Variants in CSMD3 observed in about 807,000 individuals in gnomAD.
CSMD3 encodes CUB and Sushi multiple domains 3, also known as CUB and sushi domain-containing protein 3.
CSMD3 carries 177 observed loss-of-function variants against 435.2 expected under a neutral mutation model. That is an observed-to-expected ratio of 0.41 (90% CI 0.36 to 0.46). CSMD3 has a LOEUF of 0.46. CSMD3 is among the 20% of genes least tolerant of loss of function. The pLI is 0.34. For synonymous variants in CSMD3, 1,656 were observed against 1,520.5 expected (o/e 1.09, Z -2.07); for missense variants, 4,265 against 4,504.6 (o/e 0.95, Z 1.52).
chr8:112,990,241 T>A (rs2085403547), intron 6 of CSMD3, among the ~76,000 whole-genome samples: 1 of 151,996 alleles, frequency 6.6e-6, no homozygotes, highest in Admixed American at 6.6e-5. Flanking sequence ...GGAGCAAAAC[T>A]GAAGTGTCCC....
chr8:113,080,830 C>T (rs574663574), intron 5 of CSMD3, among the ~76,000 whole-genome samples: 34 of 152,228 alleles, frequency 2.2e-4, no homozygotes, highest in African/African-American at 8.2e-4. Flanking sequence ...TAAAAACTCA[C>T]GATATTTTTA....
intron 6 of CSMD3, among the ~76,000 whole-genome samples, chr8:112,992,427 G>A (rs2085489899): frequency 6.6e-6 from 1 of 151,746 alleles, no homozygotes; most frequent in African/African-American, 2.4e-5. Flanking sequence ...GGCCCTGATT[G>A]TGAATATCCG....
chr8:113,078,884 G>C (rs951408233), intron 5 of CSMD3, among the ~76,000 whole-genome samples: 1 of 152,072 alleles, frequency 6.6e-6, no homozygotes, highest in Non-Finnish European at 1.5e-5. Flanking sequence ...TTTAGAGAAC[G>C]CAGCCAGGGC....
At chr8:112,960,174 A>G (rs2130859315) in intron 7 of CSMD3, among the ~76,000 whole-genome samples, 1 of 151,872 alleles carries the variant, frequency 6.6e-6, no homozygotes, top group East Asian at 1.9e-4. Flanking sequence ...CAGCAAGTAC[A>G]AAAATTTAAC....
In CSMD3 at chr8:113,093,860, A is replaced by AT. The variant is rs1455092948; in HGVS notation, c.917+4895dup. 7.2e-5 allele frequency among the ~76,000 whole-genome samples: 11 copies of AT among 152,198 alleles called. No homozygotes were observed. In the East Asian group the frequency reaches 2.1e-3, roughly 29 times the overall value. On this transcript the variant is annotated intron_variant, in intron 5 of 70. Transcript: ENST00000297405. Reference sequence around the variant, plus strand: ...TCTTAATTTGAATAACATTACATAGATTTTCTATGTTATATAACCTGCATG... The same window carrying AT: ...TCTTAATTTGAATAACATTACATAGATTTTTCTATGTTATATAACCTGCATG...
intron 69 of CSMD3, among the ~76,000 whole-genome samples, chr8:112,230,820 A>C (rs201603901): frequency 1.4e-5 from 2 of 146,548 alleles, no homozygotes; most frequent in African/African-American, 2.5e-5. Flanking sequence ...CTCAAAAAAG[A>C]AAAAAAAAAA....
chr8:112,892,027 T>G (rs926812602), intron 10 of CSMD3, among the ~76,000 whole-genome samples: 2 of 151,622 alleles, frequency 1.3e-5, no homozygotes, highest in African/African-American at 4.8e-5. Flanking sequence ...AGATGTTTAT[T>G]AAATATGAAT....
intron 22 of CSMD3, among the ~76,000 whole-genome samples, chr8:112,627,876 A>C (rs372554765): frequency 6.6e-6 from 1 of 152,314 alleles, no homozygotes; most frequent in East Asian, 1.9e-4. Flanking sequence ...GCAGACACAC[A>C]GAAAGTATAA....
intron 40 of CSMD3, among the ~76,000 whole-genome samples, chr8:112,348,892 A>G (rs1825902958): frequency 6.6e-6 from 1 of 152,158 alleles, no homozygotes; most frequent in Non-Finnish European, 1.5e-5. Flanking sequence ...TATGGTGCTG[A>G]GAAAATTGAT....
At chr8:112,935,113 C>T (rs1017325731) in intron 9 of CSMD3, among the ~76,000 whole-genome samples, 2 of 152,060 alleles carry the variant, frequency 1.3e-5, no homozygotes, top group African/African-American at 2.4e-5. Context: ...TTCTTCCACA[C>T]ATGAATATCC....
chr8:112,254,706 G>A (rs1406858181), intron 62 of CSMD3, among the ~76,000 whole-genome samples: 1 of 152,030 alleles, frequency 6.6e-6, no homozygotes, highest in Non-Finnish European at 1.5e-5. Flanking sequence ...TTTCTTTGAA[G>A]AAATAACAGT....
intron 20 of CSMD3, among the ~76,000 whole-genome samples, chr8:112,641,641 AGCT>A (rs2074831096): frequency 6.6e-6 from 1 of 152,056 alleles, no homozygotes; most frequent in South Asian, 2.1e-4. Context: ...GTTTGAGATC[AGCT>A]TGGGAAACAT....
intron 66 of CSMD3, among the ~76,000 whole-genome samples, chr8:112,238,024 A>G (rs952053580): frequency 6.6e-6 from 1 of 152,126 alleles, no homozygotes; most frequent in Non-Finnish European, 1.5e-5. Context: ...CATCTAAAGA[A>G]AAAACACTAT....
At chr8:112,482,584 G>C (rs2130804211) in intron 31 of CSMD3, among the ~76,000 whole-genome samples, 1 of 152,256 alleles carries the variant, frequency 6.6e-6, no homozygotes, top group Middle Eastern at 3.4e-3. Flanking sequence ...TTAGGAAACT[G>C]TATGGGAAGA....
At chr8:113,102,363 T>C (rs1380255501) in intron 4 of CSMD3, among the ~76,000 whole-genome samples, 8 of 152,096 alleles carry the variant, frequency 5.3e-5, no homozygotes, top group Non-Finnish European at 1.2e-4. Context: ...TTGTCATCTG[T>C]CCAAAAAGTA....
Position 112,278,292 on chromosome 8 carries a change from C to G in CSMD3, c.9508+2882G>C, listed in dbSNP as rs534247062. Among the ~76,000 whole-genome samples, 15 of 152,276 alleles carry G rather than the reference C, an allele frequency of 9.9e-5. 1 individual carries two copies. In the South Asian group the frequency reaches 3.1e-3, roughly 32 times the overall value. On this transcript the variant is annotated intron_variant, in intron 59 of 70. Coordinates refer to ENST00000297405, the MANE Select transcript of CSMD3 (RefSeq NM_198123.2). Reference sequence around the variant, plus strand: ...GAGTGCTTGGTGCTGTGCTAGTGTACTTACACTTTGAGATGTGCTGATTTT... The same window carrying G: ...GAGTGCTTGGTGCTGTGCTAGTGTAGTTACACTTTGAGATGTGCTGATTTT...
Position 112,465,513 on chromosome 8 carries a change from A to G in CSMD3, c.5395+7078T>C, listed in dbSNP as rs79728797. ...ATGGCCAAGCCATGGCTTGAGATCT[A>G]ATTATATAAATTATACCCTCCAAAT... On this transcript the variant is annotated intron_variant, in intron 32 of 70. Coordinates refer to ENST00000297405, the MANE Select transcript of CSMD3 (RefSeq NM_198123.2). Among the ~76,000 whole-genome samples the G allele has an allele frequency of 8.0e-3, 1,216 of 152,298 alleles. 23 individuals are homozygous for G. The highest frequency in any genetic ancestry group is 0.027 in the African/African-American group (1,126 of 41,560).
At chr8:112,331,175 A>C (rs940339831) in intron 45 of CSMD3, among the ~76,000 whole-genome samples, 7 of 152,056 alleles carry the variant, frequency 4.6e-5, no homozygotes, top group Non-Finnish European at 8.8e-5. Flanking sequence ...TGCAAAAAGA[A>C]CACTCAGTTA....
chr8:112,775,751 G>C (rs994387773), intron 13 of CSMD3, among the ~76,000 whole-genome samples: 4 of 151,748 alleles, frequency 2.6e-5, no homozygotes, highest in African/African-American at 9.7e-5. Flanking sequence ...AATTCACAAA[G>C]CAATATATTT....
Sources: gnomAD v4.1 joint callset for allele counts (sites outside exome capture counted in the v4.1 genomes callset) on GRCh38, gnomAD v4.1.1 for gene constraint, MANE v1.5 for transcripts, NCBI Gene and HGNC (gene_info 2026-07-23, HGNC 2026-07-21) for gene names.